GALNT14: variants seen among roughly 807,000 people sequenced by gnomAD.
GALNT14 encodes the protein polypeptide N-acetylgalactosaminyltransferase 14, also known as UDP-GalNAc:polypeptide N-acetylgalactosaminyltransferase 14.
In GALNT14, 60 loss-of-function variants were observed where a neutral mutation model predicts 77.5. The observed-to-expected ratio is 0.77, with a 90% CI of 0.63 to 0.96. The LOEUF (loss-of-function observed/expected upper bound fraction) is 0.96. Ranked by LOEUF, GALNT14 falls within the 40% of genes least tolerant of loss-of-function variation. GALNT14 has a pLI of 0.00. For synonymous variants in GALNT14, 280 were observed against 281.7 expected, an observed-to-expected ratio of 0.99 and a Z score of 0.06; for missense variants, 710 against 731.0, an observed-to-expected ratio of 0.97 and a Z score of 0.33.
chr2:30,968,707 G>T (rs1668158333), intron 2 of GALNT14, among the ~76,000 whole-genome samples: 1 of 152,236 alleles, frequency 6.6e-6, no homozygotes, highest in Non-Finnish European at 1.5e-5. Flanking sequence ...CAGCCAAGAT[G>T]CTCTGAATTC....
chr2:31,027,886 C>CTGTGTGTGTGTGTGTGTGG (rs1672163613), intron 1 of GALNT14, among the ~76,000 whole-genome samples: 2 of 141,872 alleles, frequency 1.4e-5, no homozygotes, highest in East Asian at 2.2e-4. Flanking sequence ...CAGATGTATT[C>CTGTGTGTGTGTGTGTGTGG]TGTGTGTGTG....
At chr2:31,110,780 T>C (rs941417371) in intron 1 of GALNT14, among the ~76,000 whole-genome samples, 4 of 152,182 alleles carry the variant, frequency 2.6e-5, no homozygotes, top group Non-Finnish European at 5.9e-5. Flanking sequence ...TCTTTTTCTC[T>C]GAGTGGGAGA....
intron 2 of GALNT14, among the ~76,000 whole-genome samples, chr2:30,968,902 T>A (rs1055868401): frequency 6.6e-6 from 1 of 152,078 alleles, no homozygotes; most frequent in Admixed American, 6.6e-5. Flanking sequence ...CTGACTCACT[T>A]AGGAGCAGAG....
intron 5 of GALNT14, 26 bp downstream of exon 5, chr2:30,955,886 G>A (rs768164531): frequency 1.2e-6 from 2 of 1,613,262 alleles, no homozygotes. Flanking sequence ...CACACTGGAG[G>A]CTCCCGCACA....
At chr2:31,023,900 G>C (rs879412907) in intron 1 of GALNT14, among the ~76,000 whole-genome samples, 1 of 152,084 alleles carries the variant, frequency 6.6e-6, no homozygotes, top group Admixed American at 6.5e-5. Flanking sequence ...TAGACTCCGA[G>C]GTGACTCCCA....
At chr2:31,047,871 A>C (rs985669660) in intron 1 of GALNT14, among the ~76,000 whole-genome samples, 9 of 152,200 alleles carry the variant, frequency 5.9e-5, no homozygotes, top group African/African-American at 2.2e-4. Context: ...ACAACCACAA[A>C]GGGAATGACA....
chr2:30,899,006 C>T, the GALNT14 span, among the ~76,000 whole-genome samples: 2 of 152,186 alleles, frequency 1.3e-5, no homozygotes, highest in Non-Finnish European at 2.9e-5. Context: ...AGCTGAAGCG[C>T]AGGCTTGCAG....
intron 1 of GALNT14, among the ~76,000 whole-genome samples, chr2:31,043,095 C>T (rs762946770): frequency 1.3e-5 from 2 of 152,124 alleles, no homozygotes; most frequent in South Asian, 2.1e-4. Context: ...CCTTGCTGTT[C>T]GTCAGATGCT....
chr2:31,134,344 C>T (rs891865159), intron 1 of GALNT14, among the ~76,000 whole-genome samples: 1 of 152,208 alleles, frequency 6.6e-6, no homozygotes, highest in Non-Finnish European at 1.5e-5. Context: ...TGCCTAGAGG[C>T]CTGAGCAGGA....
chr2:30,998,702 C>T (rs1156374171), intron 1 of GALNT14, among the ~76,000 whole-genome samples: 1 of 152,146 alleles, frequency 6.6e-6, no homozygotes, highest in East Asian at 1.9e-4. Context: ...ACAGAAATAA[C>T]AGGTCCCAAG....
chr2:30,919,141 A>G (rs1005916144), intron 13 of GALNT14, among the ~76,000 whole-genome samples: 1 of 152,152 alleles, frequency 6.6e-6, no homozygotes, highest in African/African-American at 2.4e-5. Context: ...GTGCACCTGT[A>G]TTCTTTCTAC....
At chr2:31,044,848 G>A (rs1432681632) in intron 1 of GALNT14, among the ~76,000 whole-genome samples, 1 of 151,996 alleles carries the variant, frequency 6.6e-6, no homozygotes, top group Admixed American at 6.6e-5. Flanking sequence ...ATGGGAGGTG[G>A]AGGTTGCAGC....
At chr2:30,929,344 A>C (rs777020025) in intron 11 of GALNT14, 51 bp downstream of exon 11, 3 of 1,432,588 alleles carry the variant, frequency 2.1e-6, no homozygotes, top group Non-Finnish European at 2.9e-6. Context: ...CGGTCCTAGG[A>C]GCTGGGCTCT....
the GALNT14 span, among the ~76,000 whole-genome samples, chr2:30,904,379 G>A: frequency 1.3e-5 from 2 of 152,228 alleles, no homozygotes; most frequent in South Asian, 2.1e-4. Flanking sequence ...GAAGCAGGGC[G>A]AGGCATTGCC....
chr2:31,094,683 T>C (rs1397200270), intron 1 of GALNT14, among the ~76,000 whole-genome samples: 1 of 152,222 alleles, frequency 6.6e-6, no homozygotes, highest in East Asian at 1.9e-4. Flanking sequence ...AGAATGGAAA[T>C]ACACTATTAA....
At chr2:31,084,278 T>C (rs1247575371) in intron 1 of GALNT14, among the ~76,000 whole-genome samples, 3 of 152,174 alleles carry the variant, frequency 2.0e-5, no homozygotes, top group African/African-American at 7.2e-5. Flanking sequence ...CAAGACAACA[T>C]ACTACATACG....
intron 1 of GALNT14, among the ~76,000 whole-genome samples, chr2:31,042,814 C>A (rs1235534483): frequency 1.3e-5 from 2 of 152,184 alleles, no homozygotes; most frequent in Non-Finnish European, 2.9e-5. Context: ...TTAATAGCCT[C>A]CTAATAAGTC....
chr2:30,909,842 A>C (rs1393000449), downstream of GALNT14, among the ~76,000 whole-genome samples: 1 of 151,922 alleles, frequency 6.6e-6, no homozygotes, highest in Non-Finnish European at 1.5e-5. Context: ...TGGATTAAGA[A>C]AATGTGGCAC....
intron 9 of GALNT14, among the ~76,000 whole-genome samples, chr2:30,941,090 T>C (rs1666350482): frequency 6.6e-6 from 1 of 152,236 alleles, no homozygotes; most frequent in African/African-American, 2.4e-5. Context: ...AGACAATGCA[T>C]GGATTACTGC....
Sources: gnomAD v4.1 joint callset for allele counts (sites outside exome capture counted in the v4.1 genomes callset) on GRCh38, gnomAD v4.1.1 for gene constraint, MANE v1.5 for transcripts, NCBI Gene and HGNC (gene_info 2026-07-23, HGNC 2026-07-21) for gene names.